Variants in KCNIP1 observed in about 807,000 individuals in gnomAD.
The protein encoded by KCNIP1 is potassium voltage-gated channel interacting protein 1.
A neutral mutation model predicts 33.0 loss-of-function variants in KCNIP1; 18 were observed. The observed-to-expected ratio is 0.55, with a 90% CI of 0.38 to 0.81. The LOEUF (loss-of-function observed/expected upper bound fraction) is 0.81, where lower values mean the gene tolerates loss of function less well. Among genes scored for constraint, KCNIP1 ranks in the 30% least tolerant of loss-of-function variants. KCNIP1 has a pLI of 0.00. For synonymous variants in KCNIP1, 93 were observed against 98.3 expected (o/e 0.95, Z 0.32); for missense variants, 238 against 271.6 (o/e 0.88, Z 0.87).
intron 1 of KCNIP1, among the ~76,000 whole-genome samples, chr5:170,637,997 C>T (rs1028567672): frequency 1.8e-4 from 26 of 144,730 alleles, no homozygotes; most frequent in African/African-American, 6.5e-4. Context: ...CAGCTTAAAG[C>T]AGAGAAGTGA....
At chr5:170,415,791 T>G (rs983198064) in intron 1 of KCNIP1, among the ~76,000 whole-genome samples, 8 of 152,102 alleles carry the variant, frequency 5.3e-5, no homozygotes, top group Non-Finnish European at 8.8e-5. Flanking sequence ...TCCCTGGCAC[T>G]CAATAGGTTC....
chr5:170,424,782 A>G (rs1755575666), intron 1 of KCNIP1, among the ~76,000 whole-genome samples: 1 of 152,082 alleles, frequency 6.6e-6, no homozygotes, highest in Non-Finnish European at 1.5e-5. Context: ...AAAGCCTCCA[A>G]TGGCATCCCA....
chr5:170,424,202 G>T (rs548070082), intron 1 of KCNIP1, among the ~76,000 whole-genome samples: 26 of 152,332 alleles, frequency 1.7e-4, no homozygotes, highest in African/African-American at 6.3e-4. Context: ...GGTAGCAGGA[G>T]ACTGAGGGAG....
chr5:170,590,830 T>C (rs1030492576), intron 1 of KCNIP1, among the ~76,000 whole-genome samples: 1 of 152,224 alleles, frequency 6.6e-6, no homozygotes, highest in African/African-American at 2.4e-5. Context: ...TGGGCATGTC[T>C]GCATCTGCAT....
intron 1 of KCNIP1, among the ~76,000 whole-genome samples, chr5:170,510,715 A>T (rs1343162865): frequency 2.6e-5 from 4 of 152,178 alleles, no homozygotes; most frequent in Non-Finnish European, 5.9e-5. Context: ...TTTGGATTAA[A>T]TCTTGTTATT....
At chr5:170,551,182 C>T (rs1460527232) in intron 1 of KCNIP1, among the ~76,000 whole-genome samples, 1 of 152,224 alleles carries the variant, frequency 6.6e-6, no homozygotes, top group African/African-American at 2.4e-5. Flanking sequence ...CTTCAGGGTC[C>T]AGCTCAATGG....
intron 1 of KCNIP1, among the ~76,000 whole-genome samples, chr5:170,701,941 T>C (rs569293325): frequency 1.4e-4 from 22 of 152,314 alleles, no homozygotes; most frequent in Non-Finnish European, 2.6e-4. Context: ...AAGTGGGCTA[T>C]CACCTCGCCT....
At chr5:170,544,936 T>A (rs1756357872) in intron 1 of KCNIP1, among the ~76,000 whole-genome samples, 1 of 152,244 alleles carries the variant, frequency 6.6e-6, no homozygotes, top group Admixed American at 6.5e-5. Context: ...AATATTCTTT[T>A]ATACTAACCC....
intron 1 of KCNIP1, among the ~76,000 whole-genome samples, chr5:170,702,297 C>T (rs1367972258): frequency 6.6e-6 from 1 of 152,198 alleles, no homozygotes; most frequent in East Asian, 1.9e-4. Flanking sequence ...GAGTTTAATT[C>T]TGCTATGCTG....
intron 1 of KCNIP1, among the ~76,000 whole-genome samples, chr5:170,488,612 C>T (rs367755581): frequency 3.9e-5 from 6 of 152,210 alleles, no homozygotes; most frequent in Non-Finnish European, 5.9e-5. Flanking sequence ...CTCCCAGCAG[C>T]GGGTGTTCAG....
At chr5:170,355,394 A>G (rs1319673155) in intron 1 of KCNIP1, among the ~76,000 whole-genome samples, 1 of 152,214 alleles carries the variant, frequency 6.6e-6, no homozygotes. Flanking sequence ...GACAGCTGGA[A>G]GGTTTTCTTT....
At chr5:170,584,558 G>T (rs537222293) in intron 1 of KCNIP1, among the ~76,000 whole-genome samples, 2 of 152,186 alleles carry the variant, frequency 1.3e-5, no homozygotes, top group Non-Finnish European at 2.9e-5. Context: ...GCAGGGACAC[G>T]TAGAGTCAAG....
chr5:170,606,652 G>GT, intron 1 of KCNIP1, among the ~76,000 whole-genome samples: 1 of 152,258 alleles, frequency 6.6e-6, no homozygotes, highest in Non-Finnish European at 1.5e-5. Flanking sequence ...GGGGCAGGCC[G>GT]TGAGACCTGT....
chr5:170,444,628 G>A lies in KCNIP1; in HGVS notation c.88+90664G>A, dbSNP rs115291762. On this transcript the variant is annotated intron_variant, in intron 1 of 7. Coordinates refer to the KCNIP1 transcript ENST00000377360. Reference sequence around the variant, plus strand: ...GATTCTTGTCCCAACCCCTACAAAAGTGAGGCATATAATTTGTTGAATTCT... The same window carrying A: ...GATTCTTGTCCCAACCCCTACAAAAATGAGGCATATAATTTGTTGAATTCT... Among the ~76,000 whole-genome samples the A allele has an allele frequency of 4.6e-3, 702 of 151,668 alleles. 5 individuals carry two copies. The highest frequency in any genetic ancestry group is 0.021 in the South Asian group (102 of 4,790).
intron 1 of KCNIP1, among the ~76,000 whole-genome samples, chr5:170,495,070 C>T (rs1757284043): frequency 6.6e-6 from 1 of 152,216 alleles, no homozygotes; most frequent in African/African-American, 2.4e-5. Context: ...AACTTAATTT[C>T]TACTCCAAGT....
At chr5:170,374,117 GC>G (rs1369794246) in intron 1 of KCNIP1, among the ~76,000 whole-genome samples, 1 of 152,212 alleles carries the variant, frequency 6.6e-6, no homozygotes, top group Non-Finnish European at 1.5e-5. Context: ...AGTTTGCAAT[GC>G]CCTGACCCAA....
intron 1 of KCNIP1, among the ~76,000 whole-genome samples, chr5:170,491,184 C>T (rs1316990250): frequency 6.6e-6 from 1 of 152,198 alleles, no homozygotes; most frequent in Admixed American, 6.5e-5. Flanking sequence ...TTATCTTGGT[C>T]ACCAGTGTAT....
chr5:170,703,470 A>T lies in KCNIP1; in HGVS notation c.62-15288A>T, dbSNP rs1322876159. Among the ~76,000 whole-genome samples, 2 of 137,844 alleles carry T rather than the reference A, an allele frequency of 1.5e-5. 1 individual carries two copies. Among genetic ancestry groups the T allele is most frequent in the Non-Finnish European group, 3.0e-5 (2 of 65,740 alleles). The allele number at this position is 137,844 out of a possible 152,430, so 90.4% of individuals were successfully genotyped here. A position where few individuals can be genotyped will look rare whatever the true frequency, so the allele number is the denominator to read the frequency against. On this transcript the variant is annotated intron_variant, in intron 1 of 7. Coordinates refer to ENST00000328939, the MANE Select transcript of KCNIP1 (RefSeq NM_014592.4). ...TGTGAAATAAATGTTGATAAAGTTCACACTTAAATGAAGTGAAACAGACCA... is the reference window on the plus strand; with the variant it reads ...TGTGAAATAAATGTTGATAAAGTTCTCACTTAAATGAAGTGAAACAGACCA...
chr5:170,359,904 C>G (rs749592670), intron 1 of KCNIP1, among the ~76,000 whole-genome samples: 16 of 152,192 alleles, frequency 1.1e-4, no homozygotes, highest in Admixed American at 3.9e-4. Flanking sequence ...CCTAGATAAC[C>G]CTGTTACCAT....
Sources: gnomAD v4.1 joint callset for allele counts (sites outside exome capture counted in the v4.1 genomes callset) on GRCh38, gnomAD v4.1.1 for gene constraint, MANE v1.5 for transcripts, NCBI Gene and HGNC (gene_info 2026-07-23, HGNC 2026-07-21) for gene names.